The following LFNG variants were observed in gnomAD, a reference collection of about 807,000 sequenced individuals.
LFNG encodes the protein beta-1,3-N-acetylglucosaminyltransferase lunatic fringe.
In LFNG, 15 loss-of-function variants were observed where a neutral mutation model predicts 32.7. The ratio of observed to expected loss-of-function variants is 0.46; its 90% CI spans 0.31 to 0.71. The LOEUF is 0.71. Among genes scored for constraint, LFNG ranks in the 30% least tolerant of loss-of-function variants. The pLI is 0.06. For missense variants in LFNG, 520 were observed against 545.7 expected, an observed-to-expected ratio of 0.95 and a Z score of 0.47; for synonymous variants, 274 against 246.8, an observed-to-expected ratio of 1.11 and a Z score of -1.03.
rs1780024186 is a variant in LFNG at position 2,527,343 on chromosome 7, T to TGTGC, written c.*134_*135insCGTG. 2.8e-5 allele frequency: 31 copies of TGTGC among 1,099,610 alleles called. No individual in the cohort carries two copies. Among genetic ancestry groups the TGTGC allele is most frequent in the Non-Finnish European group, 3.7e-5 (30 of 808,106 alleles). 68.1% of individuals were successfully genotyped at this position (1,099,610 alleles called of 1,614,324 possible). ...GCCTGTGCGTGTGCGTGTGCGTGTG[T>TGTGC]GTGTGTGTGTACTGCATGCCCACCC... is the stretch of plus-strand genomic sequence containing the variant. On this transcript the variant is annotated 3_prime_UTR_variant, in exon 8 of 8. Transcript: ENST00000222725. The surrounding 1 kb of genome is among the most constrained non-coding windows in gnomAD (Gnocchi z 4.4).
chr7:2,528,555 A>G, downstream of LFNG: 1 of 397,086 alleles, frequency 2.5e-6, no homozygotes, highest in Non-Finnish European at 3.7e-6. Context: ...TAGATAGGAA[A>G]CGCTTAGAGA....
At chr7:2,525,825 G>C in intron 5 of LFNG, 55 bp downstream of exon 5, 1 of 1,494,514 alleles carries the variant, frequency 6.7e-7, no homozygotes, top group Non-Finnish European at 9.2e-7. Flanking sequence ...CGCCACTGTG[G>C]GGCCTGGCTT....
At chr7:2,513,205 T>C (rs1779532607), upstream of LFNG, 1 of 1,613,494 alleles carries the variant, frequency 6.2e-7, no homozygotes, top group South Asian at 1.1e-5. Context: ...GGCTGTGGGA[T>C]GAGCACATGA....
upstream of LFNG, chr7:2,517,866 G>A: frequency 8.3e-7 from 1 of 1,202,762 alleles, no homozygotes; most frequent in Non-Finnish European, 1.1e-6. Context: ...GAGCTATGGA[G>A]GGTTTTGCTC....
At chr7:2,521,078 G>A (rs1157768265) in intron 1 of LFNG, among the ~76,000 whole-genome samples, 1 of 152,206 alleles carries the variant, frequency 6.6e-6, no homozygotes, top group Non-Finnish European at 1.5e-5. Flanking sequence ...GGCATTTGCT[G>A]TGAGGGTGGG....
At chr7:2,514,533 T>C (rs1306449948), upstream of LFNG, among the ~76,000 whole-genome samples, 2 of 151,366 alleles carry the variant, frequency 1.3e-5, no homozygotes, top group Admixed American at 6.6e-5. Flanking sequence ...CATCCATCCA[T>C]CCATCCACCC....
chr7:2,527,208 T>C lies in LFNG; in HGVS notation c.1136T>C (p.Phe379Ser). The C allele has an allele frequency of 6.2e-7, 1 of 1,612,710 alleles. No individual in the cohort carries two copies. The highest frequency in any genetic ancestry group is 8.5e-7 in the Non-Finnish European group (1 of 1,179,936). Reference protein sequence around the residue: ...DTPWCPRTAIF With the variant: ...DTPWCPRTAIS ...CCCTGGTGTCCCCGCACTGCCATCT[T>C]CTAGTGGCCATGGCTGAGACCCAAT... Residue 379 changes from phenylalanine to serine, a missense_variant, in exon 8 of 8, where the codon TTC (phenylalanine) becomes TCC (serine). By Grantham distance (155) the Phe-to-Ser change is radical. Around this residue, in one of 3 missense-constraint regions of LFNG, gnomAD observed 150 missense variants for 159.9 expected, o/e 0.94. Transcript: ENST00000222725. This position sits in a 1 kb window ranked among gnomAD's most constrained non-coding sequence, Gnocchi z 4.4.
chr7:2,521,592 T>G (rs1371030625), intron 1 of LFNG, among the ~76,000 whole-genome samples: 1 of 152,120 alleles, frequency 6.6e-6, no homozygotes, highest in Admixed American at 6.5e-5. Flanking sequence ...TGGGGCACCA[T>G]CCCTGAGCCT....
rs191731191 is a variant in LFNG, at chr7:2,527,576, G to A, written c.*364G>A. ...GGGCTACTTTGCAGGGATGCGATGC[G>A]TAGGTGCCTTTCTCTTCCTGCTGAC... On this transcript the variant is annotated 3_prime_UTR_variant, in exon 8 of 8. Coordinates refer to ENST00000222725, the MANE Select transcript of LFNG (RefSeq NM_001040167.2). The surrounding 1 kb of genome is among the most constrained non-coding windows in gnomAD (Gnocchi z 4.4). The A allele has an allele frequency of 9.4e-5, 115 of 1,217,544 alleles. 2 individuals are homozygous for A. The highest frequency in any genetic ancestry group is 2.3e-4 in the South Asian group (14 of 62,002). The allele number at this position is 1,217,544 out of a possible 1,614,324, so 75.4% of individuals were successfully genotyped here.
chr7:2,512,740 C>T (rs769749410), intron 1 of LFNG: 37 of 1,597,352 alleles, frequency 2.3e-5, no homozygotes, highest in Non-Finnish European at 3.0e-5. Flanking sequence ...GAATGCCACT[C>T]AGAGCCGTCC....
Position 2,526,998 on chromosome 7 carries a change from G to T in LFNG, c.1073+77G>T. The T allele has an allele frequency of 6.8e-7, 1 of 1,468,030 alleles. No individual in the cohort carries two copies. Among genetic ancestry groups the T allele is most frequent in the East Asian group, 2.3e-5 (1 of 42,878 alleles). 90.9% of individuals were successfully genotyped at this position (1,468,030 alleles called of 1,614,324 possible). ...AGGGGGCCTCGTGGAGCTGCAGCAG[G>T]GTCTCTCTAAGCGGCATGACTCTAC... On this transcript the variant is annotated intron_variant, in intron 7 of 7. Coordinates refer to ENST00000222725, the MANE Select transcript of LFNG (RefSeq NM_001040167.2). The surrounding 1 kb of genome is among the most constrained non-coding windows in gnomAD (Gnocchi z 6.9).
intron 1 of LFNG, among the ~76,000 whole-genome samples, chr7:2,521,753 T>C (rs1185524140): frequency 6.6e-6 from 1 of 152,248 alleles, no homozygotes; most frequent in Non-Finnish European, 1.5e-5. Context: ...AGGGCTGGGC[T>C]GTGTGATCCT....
At chr7:2,518,604 G>GA (rs776621120), upstream of LFNG, 3 of 1,612,088 alleles carry the variant, frequency 1.9e-6, no homozygotes. Context: ...TAGAGGTAAG[G>GA]AGAGGGGCTC....
rs1293382357 is a variant in LFNG at position 2,519,820 on chromosome 7, A to G, written c.-42A>G. ...GACGGGCTTCGGGTCGGTGCAAGGC[A>G]GGCGCACGGGGAAGGGCGCGCCGCG... On this transcript the variant is annotated 5_prime_UTR_variant, in exon 1 of 8. Transcript: ENST00000222725. 3.8e-6 allele frequency: 4 copies of G among 1,051,156 alleles called. No individual in the cohort carries two copies. Among genetic ancestry groups the G allele is most frequent in the Admixed American group, 1.1e-4 (2 of 17,806 alleles). 65.1% of individuals were successfully genotyped at this position (1,051,156 alleles called of 1,614,324 possible).
At chr7:2,518,651 C>T (rs973354735), upstream of LFNG, 5 of 1,597,552 alleles carry the variant, frequency 3.1e-6, no homozygotes, top group Non-Finnish European at 3.4e-6. Flanking sequence ...CCATCTCAGG[C>T]GTGAACATAA....
upstream of LFNG, among the ~76,000 whole-genome samples, chr7:2,515,235 C>T (rs1779601260): frequency 6.6e-6 from 1 of 152,162 alleles, no homozygotes; most frequent in Admixed American, 6.5e-5. Flanking sequence ...TCCATCCAAC[C>T]ATCCATCCAT....
chr7:2,526,100 G>T lies in LFNG; in HGVS notation c.822-144G>T. Reference sequence around the variant, plus strand: ...GGAGTGTGCCCTGGCTGTGGCCAGGGGAGGCAGAGGGAGCTGCAGCCCAGA... The same window carrying T: ...GGAGTGTGCCCTGGCTGTGGCCAGGTGAGGCAGAGGGAGCTGCAGCCCAGA... On this transcript the variant is annotated intron_variant, in intron 5 of 7. Transcript: ENST00000222725. This position sits in a 1 kb window ranked among gnomAD's most constrained non-coding sequence, Gnocchi z 6.9. 1 of 800,876 alleles carries T rather than the reference G, an allele frequency of 1.2e-6. No individual in the cohort carries two copies. The allele number at this position is 800,876 out of a possible 1,614,324, so 49.6% of individuals were successfully genotyped here.
At chr7:2,522,332 T>C (rs1779814888) in intron 1 of LFNG, among the ~76,000 whole-genome samples, 1 of 152,196 alleles carries the variant, frequency 6.6e-6, no homozygotes, top group Non-Finnish European at 1.5e-5. Context: ...AGGAAACTTC[T>C]AGCAACTGGA....
At chr7:2,528,833 C>A, downstream of LFNG, 1 of 620,426 alleles carries the variant, frequency 1.6e-6, no homozygotes, top group Non-Finnish European at 2.9e-6. Context: ...TTCACTCCTG[C>A]CACGAGCTCA....
Sources: allele counts gnomAD v4.1 joint callset (sites outside exome capture counted in the v4.1 genomes callset), GRCh38; gene constraint gnomAD v4.1.1; regional missense constraint gnomAD v4.1.1; non-coding constraint Gnocchi (gnomAD v3.1); transcripts MANE v1.5; gene names NCBI Gene and HGNC (gene_info 2026-07-23, HGNC 2026-07-21).